The following PDLIM5 variants were observed in gnomAD, a reference collection of about 807,000 sequenced individuals.
The protein encoded by PDLIM5 is PDZ and LIM domain 5.
A neutral mutation model predicts 64.2 loss-of-function variants in PDLIM5; 34 were observed. The ratio of observed to expected loss-of-function variants is 0.53; its 90% CI spans 0.40 to 0.71. PDLIM5 has a LOEUF of 0.71. Among genes scored for constraint, PDLIM5 ranks in the 30% least tolerant of loss-of-function variants. The probability of loss-of-function intolerance (pLI) is 0.00; values close to 1 mark genes in which losing one functional copy is unlikely to be tolerated. For synonymous variants in PDLIM5, 253 were observed against 269.1 expected (o/e 0.94, Z 0.59); for missense variants, 683 against 733.6 (o/e 0.93, Z 0.80).
intron 2 of PDLIM5, among the ~76,000 whole-genome samples, chr4:94,485,378 A>G (rs900184718): frequency 2.0e-5 from 3 of 152,202 alleles, no homozygotes; most frequent in Admixed American, 6.5e-5. Flanking sequence ...CTTTGATTAC[A>G]TATTATTATT....
chr4:94,654,397 A>G (rs1742060126), intron 9 of PDLIM5, 63 bp from the exon 10 acceptor site: 1 of 1,053,558 alleles, frequency 9.5e-7, no homozygotes, highest in African/African-American at 1.6e-5. Flanking sequence ...AAAGAGGTCC[A>G]TATCCAGGCT....
chr4:94,573,266 A>G, intron 3 of PDLIM5, 85 bp from the exon 4 acceptor site: 1 of 986,788 alleles, frequency 1.0e-6, no homozygotes, highest in Non-Finnish European at 1.5e-6. Flanking sequence ...AGGCTATATT[A>G]TAATAGTAAA....
At chr4:94,562,282 C>G (rs183829730) in intron 3 of PDLIM5, among the ~76,000 whole-genome samples, 44 of 152,210 alleles carry the variant, frequency 2.9e-4, no homozygotes, top group Admixed American at 2.6e-3. Flanking sequence ...AGACCAGCAT[C>G]CTTTCCCCCA....
chr4:94,552,717 G>A lies in PDLIM5; in HGVS notation c.249-20634G>A, dbSNP rs969739673. On this transcript the variant is annotated intron_variant, in intron 3 of 12. Coordinates refer to ENST00000317968, the MANE Select transcript of PDLIM5 (RefSeq NM_006457.5). ...CATTTTTCATAAGAAAAAAATATAAGTAGAATCATAGAGAAGGATAAGATC... is the reference window on the plus strand; with the variant it reads ...CATTTTTCATAAGAAAAAAATATAAATAGAATCATAGAGAAGGATAAGATC... Among the ~76,000 whole-genome samples the A allele has an allele frequency of 1.1e-3, 170 of 152,036 alleles. 6 individuals are homozygous for A. Among genetic ancestry groups the A allele is most frequent in the Admixed American group, 0.011 (167 of 15,264 alleles).
chr4:94,561,018 C>T (rs775056308), intron 3 of PDLIM5, among the ~76,000 whole-genome samples: 13 of 152,238 alleles, frequency 8.5e-5, no homozygotes, highest in African/African-American at 2.6e-4. Context: ...TGAGCCACCG[C>T]GCCCAGCCAA....
chr4:94,475,259 T>TTAA (rs1300651235), intron 2 of PDLIM5, among the ~76,000 whole-genome samples: 7 of 152,198 alleles, frequency 4.6e-5, no homozygotes, highest in African/African-American at 1.7e-4. Context: ...TAAATTCAGT[T>TTAA]TAATGGTAAT....
chr4:94,504,508 G>A lies in PDLIM5; in HGVS notation c.97-19216G>A, dbSNP rs187006884. Reference sequence around the variant, plus strand: ...CGCCATGTTGGCCAGGATGGTCTCCGTCTCGTGACCTCGTGATCTGCCCGT... The same window carrying A: ...CGCCATGTTGGCCAGGATGGTCTCCATCTCGTGACCTCGTGATCTGCCCGT... On this transcript the variant is annotated intron_variant, in intron 2 of 12. Transcript: ENST00000317968. Among the ~76,000 whole-genome samples the A allele has an allele frequency of 1.6e-3, 248 of 152,134 alleles. 1 individual carries two copies. The highest frequency in any genetic ancestry group is 2.7e-3 in the Non-Finnish European group (182 of 67,990).
At chr4:94,572,278 A>G (rs1439133401) in intron 3 of PDLIM5, among the ~76,000 whole-genome samples, 3 of 152,188 alleles carry the variant, frequency 2.0e-5, no homozygotes, top group African/African-American at 4.8e-5. Context: ...CTACTGGCAT[A>G]TTAAACATAA....
chr4:94,472,919 T>A (rs992588353), intron 2 of PDLIM5, among the ~76,000 whole-genome samples: 3 of 152,198 alleles, frequency 2.0e-5, no homozygotes, highest in African/African-American at 4.8e-5. Context: ...CAGCAGTGAA[T>A]AAAACAAAGT....
chr4:94,603,486 C>A (rs977943648), intron 7 of PDLIM5, among the ~76,000 whole-genome samples: 2 of 152,200 alleles, frequency 1.3e-5, no homozygotes, highest in South Asian at 4.1e-4. Flanking sequence ...CCCCCCCAAC[C>A]CTCCGCAAAC....
chr4:94,615,671 T>G (rs930006190), intron 7 of PDLIM5, among the ~76,000 whole-genome samples: 2 of 152,218 alleles, frequency 1.3e-5, no homozygotes, highest in Non-Finnish European at 2.9e-5. Context: ...TTCCACAGGC[T>G]AAATGGCTAA....
chr4:94,559,696 A>T (rs749013039), intron 3 of PDLIM5, among the ~76,000 whole-genome samples: 19 of 152,226 alleles, frequency 1.2e-4, no homozygotes, highest in Non-Finnish European at 2.6e-4. Flanking sequence ...GGATCTCAAC[A>T]TTAATTGTGG....
chr4:94,520,505 C>A (rs942685187), intron 2 of PDLIM5, among the ~76,000 whole-genome samples: 2 of 152,178 alleles, frequency 1.3e-5, no homozygotes, highest in Non-Finnish European at 2.9e-5. Flanking sequence ...ACTTTGTAGT[C>A]TTTCCTTGGC....
chr4:94,568,854 A>G (rs962283943), intron 3 of PDLIM5, among the ~76,000 whole-genome samples: 1 of 152,220 alleles, frequency 6.6e-6, no homozygotes, highest in Non-Finnish European at 1.5e-5. Flanking sequence ...ACCTAAGGAG[A>G]TAACAAGTTA....
At chr4:94,525,906 T>A (rs573540433) in intron 3 of PDLIM5, among the ~76,000 whole-genome samples, 5 of 152,352 alleles carry the variant, frequency 3.3e-5, no homozygotes, top group South Asian at 4.1e-4. Context: ...AGTATTCTTC[T>A]GTTCTCTATA....
At chr4:94,624,821 G>T (rs1188398379) in intron 8 of PDLIM5, among the ~76,000 whole-genome samples, 4 of 152,166 alleles carry the variant, frequency 2.6e-5, no homozygotes, top group African/African-American at 9.7e-5. Context: ...ATTAATGGGG[G>T]TTTTGAATGT....
At chr4:94,535,028 G>T (rs767733128) in intron 3 of PDLIM5, among the ~76,000 whole-genome samples, 1 of 152,200 alleles carries the variant, frequency 6.6e-6, no homozygotes, top group Non-Finnish European at 1.5e-5. Context: ...AGACACTGAG[G>T]TATTATTGAA....
intron 7 of PDLIM5, among the ~76,000 whole-genome samples, chr4:94,615,413 T>G (rs1330485424): frequency 6.6e-6 from 1 of 151,770 alleles, no homozygotes; most frequent in Non-Finnish European, 1.5e-5. Context: ...TTGAACACAG[T>G]GCATGATGCG....
At chr4:94,497,448 G>A (rs1234029017) in intron 2 of PDLIM5, among the ~76,000 whole-genome samples, 1 of 152,020 alleles carries the variant, frequency 6.6e-6, no homozygotes, top group Admixed American at 6.6e-5. Flanking sequence ...AGTAGAGGAA[G>A]GACTTACACT....
Sources: allele counts gnomAD v4.1 joint callset (sites outside exome capture counted in the v4.1 genomes callset), GRCh38; gene constraint gnomAD v4.1.1; transcripts MANE v1.5; gene names NCBI Gene and HGNC (gene_info 2026-07-23, HGNC 2026-07-21).